TBC1D9: variants seen among roughly 807,000 people sequenced by gnomAD.
TBC1D9 encodes TBC1 domain family member 9A.
TBC1D9 carries 63 observed loss-of-function variants against 132.0 expected under a neutral mutation model. The observed-to-expected ratio is 0.48, with a 90% confidence interval of 0.39 to 0.59. The LOEUF is 0.59. Ranked by LOEUF, TBC1D9 falls within the 20% of genes least tolerant of loss-of-function variation. The pLI, the probability that TBC1D9 is intolerant of heterozygous loss-of-function variation, is 0.00. For missense variants in TBC1D9, 1,261 were observed against 1,592.7 expected, an observed-to-expected ratio of 0.79 and a Z score of 3.54; for synonymous variants, 610 against 609.9, an observed-to-expected ratio of 1.00 and a Z score of 0.00.
At position 140,624,377 on chromosome 4, in the gene TBC1D9, C is replaced by G; in HGVS notation, c.2911G>C (p.Asp971His). The change falls in exon 19 of 21, where the codon GAT becomes CAT. Residue 971 changes from aspartate (D) to histidine (H), a missense_variant. Physicochemically the swap from Asp to His is moderately conservative, Grantham distance 81. This residue lies in a region of TBC1D9 where 618 missense variants were observed against 724.4 expected (regional missense o/e 0.85). Transcript: ENST00000442267. ...TPECTHVVGL[D>H]SRSKQGADDG... ...TCTGCACCCTGTTTGCTTCTGCTAT[C>G]CAATCCAACAACTACCAAGAAATGG... is the stretch of plus-strand genomic sequence containing the variant. 1 of 1,613,368 alleles carries G rather than the reference C, an allele frequency of 6.2e-7. No individual in the cohort carries two copies.
intron 16 of TBC1D9, among the ~76,000 whole-genome samples, chr4:140,631,798 C>T (rs1486643110): frequency 3.3e-5 from 5 of 151,724 alleles, no homozygotes; most frequent in African/African-American, 4.8e-5. Context: ...GGTCTTACCA[C>T]GTTGGCCAGG....
In TBC1D9 at chr4:140,622,708, G is replaced by A. The variant is rs1346145635; in HGVS notation, c.3288C>T (p.Phe1096=). The A allele has an allele frequency of 1.2e-6, 2 of 1,610,924 alleles. No homozygotes were observed. Among genetic ancestry groups the A allele is most frequent in the Non-Finnish European group, 1.7e-6 (2 of 1,179,504 alleles). Residue 1096 remains phenylalanine, a synonymous_variant, in exon 21 of 21, where the codon TTC becomes TTT. Transcript: ENST00000442267. ...SCHQGIPGVL[F]PKKGPGQPYV... ...AAGGCTGGCCTGGCCCTTTCTTGGG[G>A]AAGAGCACGCCTGGGATGCCCTGGT...
chr4:140,696,983 T>C (rs964427639), intron 2 of TBC1D9, among the ~76,000 whole-genome samples: 15 of 152,202 alleles, frequency 9.9e-5, no homozygotes, highest in Non-Finnish European at 1.6e-4. Flanking sequence ...AAGATACAGA[T>C]ATATTTTAAA....
intron 3 of TBC1D9, among the ~76,000 whole-genome samples, chr4:140,683,289 G>C (rs1169043299): frequency 6.6e-6 from 1 of 152,122 alleles, no homozygotes; most frequent in Non-Finnish European, 1.5e-5. Flanking sequence ...AAGAGACAAG[G>C]CTTTGCCAGC....
intron 13 of TBC1D9, among the ~76,000 whole-genome samples, chr4:140,654,747 CAT>C (rs1362716419): frequency 6.6e-6 from 1 of 152,060 alleles, no homozygotes. Flanking sequence ...ATAGTGGAAA[CAT>C]AAATTGAGAC....
At chr4:140,644,114 G>A (rs989006742) in intron 13 of TBC1D9, 3 of 379,374 alleles carry the variant, frequency 7.9e-6, no homozygotes, top group Non-Finnish European at 1.5e-5. Context: ...CATCCGCATC[G>A]GCGGCCACTG....
rs559962441 is a variant in TBC1D9, at chr4:140,644,826, C to A, written c.2338-5398G>T. ...GCTCCATCAGCTCCGCAAAGTGAGGCAGGTGATCTCTGGGAATGACCAACA... is the reference window on the plus strand; with the variant it reads ...GCTCCATCAGCTCCGCAAAGTGAGGAAGGTGATCTCTGGGAATGACCAACA... On this transcript the variant is annotated intron_variant, in intron 13 of 20. Transcript: ENST00000442267. The A allele has an allele frequency of 6.4e-5, 27 of 419,654 alleles. 2 individuals carry two copies. In the East Asian group the frequency reaches 1.5e-3, roughly 23 times the overall value. 26.0% of individuals were successfully genotyped at this position (419,654 alleles called of 1,614,324 possible).
chr4:140,632,545 A>C (rs1405108794), intron 16 of TBC1D9, among the ~76,000 whole-genome samples: 2 of 152,204 alleles, frequency 1.3e-5, no homozygotes, highest in Non-Finnish European at 2.9e-5. Flanking sequence ...TGGGTCTAGC[A>C]TGTATTAGCT....
At chr4:140,642,077 G>T in intron 13 of TBC1D9, 3 of 702,910 alleles carry the variant, frequency 4.3e-6, no homozygotes, top group African/African-American at 1.7e-5. Context: ...GTCCGGGAGG[G>T]GGCGGAGGAG....
At chr4:140,650,547 T>G (rs917875243) in intron 13 of TBC1D9, among the ~76,000 whole-genome samples, 3 of 152,208 alleles carry the variant, frequency 2.0e-5, no homozygotes, top group Admixed American at 2.0e-4. Flanking sequence ...TTTTTCTTTT[T>G]TTGAGATGGA....
chr4:140,705,969 A>C (rs1738144591), intron 1 of TBC1D9, among the ~76,000 whole-genome samples: 1 of 152,138 alleles, frequency 6.6e-6, no homozygotes, highest in Admixed American at 6.5e-5. Context: ...TTTCAAGGAG[A>C]TTCAGAAAAC....
intron 16 of TBC1D9, among the ~76,000 whole-genome samples, chr4:140,630,012 G>T (rs1736767475): frequency 6.6e-6 from 1 of 152,180 alleles, no homozygotes; most frequent in African/African-American, 2.4e-5. Flanking sequence ...TAAGTAATTT[G>T]TTCAAGGTCA....
chr4:140,627,161 A>G (rs562201731), intron 18 of TBC1D9, among the ~76,000 whole-genome samples: 2 of 152,320 alleles, frequency 1.3e-5, no homozygotes, highest in East Asian at 3.9e-4. Context: ...ATTATTAATG[A>G]GGCTGATCCT....
intron 1 of TBC1D9, among the ~76,000 whole-genome samples, chr4:140,715,452 A>G (rs1417846141): frequency 1.3e-5 from 2 of 152,208 alleles, no homozygotes; most frequent in Non-Finnish European, 2.9e-5. Context: ...TTGAATTCAT[A>G]GTACCTTGAA....
intron 1 of TBC1D9, among the ~76,000 whole-genome samples, chr4:140,711,273 C>T (rs1226134421): frequency 3.3e-5 from 5 of 152,114 alleles, no homozygotes; most frequent in African/African-American, 4.8e-5. Context: ...GCTGTAGAGG[C>T]GGGTCTGAAA....
chr4:140,657,827 T>A lies in TBC1D9; in HGVS notation c.1922-15A>T. On this transcript the variant is annotated splice_polypyrimidine_tract_variant and intron_variant, in intron 11 of 20. Transcript: ENST00000442267. ...CACCAGTGCACCTGTGGCAGCGATG[T>A]ATACAAAAAGGCGCAGCTTAGCCAA... 2 of 1,602,166 alleles carry A rather than the reference T, an allele frequency of 1.2e-6. No individual in the cohort carries two copies. The highest frequency in any genetic ancestry group is 1.7e-6 in the Non-Finnish European group (2 of 1,174,552).
Position 140,622,086 on chromosome 4 carries a change from G to C in TBC1D9, c.*109C>G. ...ATGAAAACACTAGGCTTCAAGCCAG[G>C]TACTAATAAATATTTAATTTAAAAG... On this transcript the variant is annotated 3_prime_UTR_variant, in exon 21 of 21. Transcript: ENST00000442267. The C allele has an allele frequency of 5.7e-6, 8 of 1,405,180 alleles. No individual in the cohort carries two copies. The highest frequency in any genetic ancestry group is 7.5e-6 in the Non-Finnish European group (8 of 1,061,696). 87.0% of individuals were successfully genotyped at this position (1,405,180 alleles called of 1,614,324 possible).
At chr4:140,667,234 T>C (rs1290007458) in intron 9 of TBC1D9, among the ~76,000 whole-genome samples, 1 of 152,158 alleles carries the variant, frequency 6.6e-6, no homozygotes, top group Non-Finnish European at 1.5e-5. Context: ...GAGGGCCGTG[T>C]GGAGACCACC....
chr4:140,623,474 A>G (rs1288358966), intron 20 of TBC1D9, among the ~76,000 whole-genome samples: 2 of 152,242 alleles, frequency 1.3e-5, no homozygotes, highest in Non-Finnish European at 2.9e-5. Flanking sequence ...GGACTATGTC[A>G]TACATTTGGC....
Sources: allele counts gnomAD v4.1 joint callset (sites outside exome capture counted in the v4.1 genomes callset), GRCh38; gene constraint gnomAD v4.1.1; regional missense constraint gnomAD v4.1.1; transcripts MANE v1.5; gene names NCBI Gene and HGNC (gene_info 2026-07-23, HGNC 2026-07-21).